Variants in LINGO2 observed in about 807,000 individuals in gnomAD.
The protein encoded by LINGO2 is leucine-rich repeat and immunoglobulin-like domain-containing nogo receptor-interacting protein 2.
Under a neutral mutation model 30.6 loss-of-function variants are expected in LINGO2, and 14 were observed. That is an observed-to-expected ratio of 0.46 (90% CI 0.30 to 0.72). LINGO2 has a LOEUF of 0.72. Among genes scored for constraint, LINGO2 ranks in the 30% least tolerant of loss-of-function variants. The probability of loss-of-function intolerance (pLI) is 0.07; values close to 1 mark genes in which losing one functional copy is unlikely to be tolerated. For synonymous variants in LINGO2, 317 were observed against 288.5 expected (o/e 1.10, Z -1.00); for missense variants, 729 against 751.7 (o/e 0.97, Z 0.35).
chr9:28,992,573 A>T, the LINGO2 span, among the ~76,000 whole-genome samples: 4 of 152,254 alleles, frequency 2.6e-5, no homozygotes, highest in South Asian at 6.2e-4. Flanking sequence ...TTTTTTCAGC[A>T]CCACACCACA....
intron 4 of LINGO2, among the ~76,000 whole-genome samples, chr9:28,190,341 A>T (rs1239656688): frequency 6.6e-6 from 1 of 152,184 alleles, no homozygotes; most frequent in Non-Finnish European, 1.5e-5. Flanking sequence ...ATGCTAAAAA[A>T]TACTGCATCA....
chr9:28,065,331 G>C (rs1457145601), intron 4 of LINGO2, among the ~76,000 whole-genome samples: 1 of 151,974 alleles, frequency 6.6e-6, no homozygotes, highest in African/African-American at 2.4e-5. Context: ...ACAATGTCTG[G>C]TACCAAGCAA....
chr9:28,036,131 T>TTA (rs145493666), intron 4 of LINGO2, among the ~76,000 whole-genome samples: 2,819 of 152,296 alleles, frequency 0.019, 38 homozygotes, highest in Middle Eastern at 0.065. Context: ...GAGGCAGTAA[T>TTA]TATATTAGAA....
the LINGO2 span, among the ~76,000 whole-genome samples, chr9:29,195,159 C>T: frequency 1.3e-5 from 2 of 152,020 alleles, no homozygotes; most frequent in African/African-American, 4.8e-5. Flanking sequence ...TTTTATTCAG[C>T]ATAATTCCCT....
the LINGO2 span, among the ~76,000 whole-genome samples, chr9:28,913,653 G>C: frequency 0.74 from 112,614 of 151,922 alleles, 41,887 homozygotes; most frequent in Non-Finnish European, 0.78. Context: ...TTGTAGATTT[G>C]TCAGGTCCTT....
intron 3 of LINGO2, among the ~76,000 whole-genome samples, chr9:28,304,197 G>A (rs1824254689): frequency 6.6e-6 from 1 of 150,696 alleles, no homozygotes; most frequent in African/African-American, 2.4e-5. Context: ...AATCCTTACT[G>A]ATACAGAAAT....
chr9:28,762,382 C>T, the LINGO2 span, among the ~76,000 whole-genome samples: 23 of 152,018 alleles, frequency 1.5e-4, 1 homozygote, highest in East Asian at 3.7e-3. Context: ...CATTTTACTC[C>T]CCCAAGGTGC....
At chr9:28,172,799 T>C (rs1038149056) in intron 4 of LINGO2, among the ~76,000 whole-genome samples, 9 of 152,300 alleles carry the variant, frequency 5.9e-5, no homozygotes, top group African/African-American at 2.2e-4. Flanking sequence ...ACAGACTCTC[T>C]TGCTTTTTAA....
At chr9:29,061,504 TAG>T in the LINGO2 span, among the ~76,000 whole-genome samples, 1 of 151,626 alleles carries the variant, frequency 6.6e-6, no homozygotes, top group African/African-American at 2.4e-5. Context: ...ACCAATGAAA[TAG>T]AGTCTAGTCC....
Position 28,062,219 on chromosome 9 carries a change from T to C in LINGO2, c.-86-49814A>G, listed in dbSNP as rs775589094. 2.6e-5 allele frequency among the ~76,000 whole-genome samples: 4 copies of C among 152,148 alleles called. No individual in the cohort carries two copies. The East Asian group carries it at 7.8e-4, about 30-fold the overall frequency. ...CTTACCAGATTCCCATAGAATGCAG[T>C]ATTGAAGGTTGCCACAGGATTGGTG... On this transcript the variant is annotated intron_variant, in intron 4 of 5. Coordinates refer to ENST00000379992, the Ensembl canonical transcript of LINGO2.
the LINGO2 span, among the ~76,000 whole-genome samples, chr9:28,975,251 A>G: frequency 6.6e-6 from 1 of 152,134 alleles, no homozygotes; most frequent in African/African-American, 2.4e-5. Context: ...AACCCCCATA[A>G]TTTATAGCCT....
the LINGO2 span, among the ~76,000 whole-genome samples, chr9:29,094,151 A>T: frequency 1.4e-5 from 2 of 139,058 alleles, 1 homozygote; most frequent in Non-Finnish European, 3.1e-5. Context: ...TTGTCATTAA[A>T]CAATGTCCTT....
chr9:28,932,031 C>T, the LINGO2 span, among the ~76,000 whole-genome samples: 44 of 151,386 alleles, frequency 2.9e-4, no homozygotes, highest in African/African-American at 1.0e-3. Context: ...TCGCCTGAAC[C>T]GGGAGGCGAA....
intron 5 of LINGO2, among the ~76,000 whole-genome samples, chr9:27,966,798 T>C (rs1820124874): frequency 1.3e-5 from 2 of 152,140 alleles, no homozygotes; most frequent in South Asian, 4.1e-4. Context: ...TTTGGCTGCC[T>C]TCTGTGATAA....
At chr9:28,043,710 C>T (rs1587754698) in intron 4 of LINGO2, among the ~76,000 whole-genome samples, 1 of 152,130 alleles carries the variant, frequency 6.6e-6, no homozygotes, top group East Asian at 1.9e-4. Flanking sequence ...GTTTCATCTA[C>T]CACCTTTCTT....
the LINGO2 span, among the ~76,000 whole-genome samples, chr9:28,865,521 G>T: frequency 6.6e-6 from 1 of 152,228 alleles, no homozygotes; most frequent in South Asian, 2.1e-4. Flanking sequence ...GGTGGTTCAC[G>T]TCTGTAATCC....
Position 28,568,583 on chromosome 9 carries a change from A to T in LINGO2, c.-364-92558T>A, listed in dbSNP as rs536965358. 2.0e-5 allele frequency among the ~76,000 whole-genome samples: 3 copies of T among 152,214 alleles called. No homozygotes were observed. In the South Asian group the frequency reaches 6.2e-4, roughly 32 times the overall value. On this transcript the variant is annotated intron_variant, in intron 1 of 5. Transcript: ENST00000379992. ...CAAAAATCAAAGACAAGAGAATTTT[A>T]AAAGCAGCAAGAGAAAAAAGACTTG...
At chr9:28,641,742 A>C (rs1193967530) in intron 1 of LINGO2, among the ~76,000 whole-genome samples, 2 of 152,220 alleles carry the variant, frequency 1.3e-5, no homozygotes, top group Non-Finnish European at 2.9e-5. Context: ...AATCAGGGTT[A>C]TGGGCAAGAC....
At chr9:28,225,919 G>A (rs1205273802) in intron 4 of LINGO2, among the ~76,000 whole-genome samples, 2 of 151,994 alleles carry the variant, frequency 1.3e-5, no homozygotes, top group African/African-American at 2.4e-5. Context: ...TGTTCACAAT[G>A]GACAATCACC....
Sources: allele counts gnomAD v4.1 joint callset (sites outside exome capture counted in the v4.1 genomes callset), GRCh38; gene constraint gnomAD v4.1.1; transcripts MANE v1.5; gene names NCBI Gene and HGNC (gene_info 2026-07-23, HGNC 2026-07-21).